Variants in GNB1 observed in about 807,000 individuals in gnomAD.
GNB1 encodes the protein G protein subunit beta 1, also known as guanine nucleotide-binding protein G(I)/G(S)/G(T) subunit beta-1.
In GNB1, 2 loss-of-function variants were observed where a neutral mutation model predicts 42.9. The ratio of observed to expected loss-of-function variants is 0.05; its 90% CI spans 0.02 to 0.15. GNB1 has a LOEUF of 0.15. Among genes scored for constraint, GNB1 ranks in the 10% least tolerant of loss-of-function variants. GNB1 has a pLI of 1.00. For missense variants in GNB1, 193 were observed against 462.2 expected (o/e 0.42, Z 5.34); for synonymous variants, 183 against 174.7 (o/e 1.05, Z -0.38).
chr1:1,848,885 C>T lies in GNB1; in HGVS notation c.-95-9647G>A, dbSNP rs138916489. The stretch of plus-strand genomic sequence containing the variant: ...TGTTTTTTGAAGACTCCTTCTGGGT[C>T]TTTGTTCCCAGTTCCTCAGAAGGAG... On this transcript the variant is annotated intron_variant, in intron 1 of 11. Coordinates refer to ENST00000378609, the MANE Select transcript of GNB1 (RefSeq NM_002074.5). Among the ~76,000 whole-genome samples, 298 of 152,268 alleles carry T rather than the reference C, an allele frequency of 2.0e-3. 3 individuals carry two copies. Among genetic ancestry groups the T allele is most frequent in the Middle Eastern group, 0.01 (3 of 294 alleles).
chr1:1,828,807 CAA>C (rs1557908960), intron 2 of GNB1, among the ~76,000 whole-genome samples: 1 of 152,006 alleles, frequency 6.6e-6, no homozygotes, highest in African/African-American at 2.4e-5. Flanking sequence ...TTTAGGAGGT[CAA>C]GTCGGGAGGA....
At chr1:1,874,804 C>CA (rs200659776) in intron 1 of GNB1, among the ~76,000 whole-genome samples, 141 of 149,670 alleles carry the variant, frequency 9.4e-4, no homozygotes, top group East Asian at 1.2e-3. Flanking sequence ...AAAAAAAAGA[C>CA]AAAAAAAAAG....
At position 1,868,557 on chromosome 1, in the gene GNB1, T is replaced by G. The variant is rs377371621; in HGVS notation, c.-96+22263A>C. 9.1e-4 allele frequency among the ~76,000 whole-genome samples: 138 copies of G among 151,920 alleles called. 3 individuals are homozygous for G. The South Asian group carries it at 0.015, about 16-fold the overall frequency. On this transcript the variant is annotated intron_variant, in intron 1 of 11. Transcript: ENST00000378609. ...CAGCACTTTGGGAGGCCGAGGCAGG[T>G]GAATCACGAGGTCAGGAGTTCAAGA...
At chr1:1,797,971 C>T (rs1002203321) in intron 7 of GNB1, among the ~76,000 whole-genome samples, 2 of 152,212 alleles carry the variant, frequency 1.3e-5, no homozygotes, top group Admixed American at 6.5e-5. Flanking sequence ...GCCCCAGGAT[C>T]GGCTCCAAGG....
chr1:1,801,711 A>C (rs1646629138), intron 7 of GNB1, among the ~76,000 whole-genome samples: 1 of 152,186 alleles, frequency 6.6e-6, no homozygotes, highest in African/African-American at 2.4e-5. Context: ...AACTCAAAGG[A>C]AGGTAGGAAG....
In GNB1 at chr1:1,873,400, G is replaced by T. The variant is rs1048757752; in HGVS notation, c.-96+17420C>A. Among the ~76,000 whole-genome samples, 11 of 152,250 alleles carry T rather than the reference G, an allele frequency of 7.2e-5. 1 individual carries two copies. In the East Asian group the frequency reaches 9.6e-4, roughly 13 times the overall value. On this transcript the variant is annotated intron_variant, in intron 1 of 11. Coordinates refer to ENST00000378609, the MANE Select transcript of GNB1 (RefSeq NM_002074.5). Reference sequence around the variant, plus strand: ...GCACCCTGGCTGAAAGCCCATGTGGGTGAGGGCAATGGGAAGCACAAGCCA... The same window carrying T: ...GCACCCTGGCTGAAAGCCCATGTGGTTGAGGGCAATGGGAAGCACAAGCCA...
At chr1:1,806,771 C>A (rs1646700668) in intron 5 of GNB1, among the ~76,000 whole-genome samples, 1 of 152,086 alleles carries the variant, frequency 6.6e-6, no homozygotes, top group South Asian at 2.1e-4. Context: ...GTCAGGAGTT[C>A]AAGACCAGCC....
chr1:1,884,069 G>A (rs1480801548), intron 1 of GNB1, among the ~76,000 whole-genome samples: 2 of 149,980 alleles, frequency 1.3e-5, no homozygotes, highest in African/African-American at 4.9e-5. Flanking sequence ...AGGTTCAAGC[G>A]ATTCTCTTGC....
At chr1:1,807,698 A>AT (rs1646720817) in intron 5 of GNB1, among the ~76,000 whole-genome samples, 2 of 150,184 alleles carry the variant, frequency 1.3e-5, no homozygotes, top group African/African-American at 4.9e-5. Flanking sequence ...ACTATCACGA[A>AT]TTTTTTCTTT....
chr1:1,886,014 A>C (rs1406990252), intron 1 of GNB1, among the ~76,000 whole-genome samples: 1 of 151,352 alleles, frequency 6.6e-6, no homozygotes, highest in Non-Finnish European at 1.5e-5. Context: ...AGGTTTAAAA[A>C]AGCTTTCAGC....
intron 1 of GNB1, among the ~76,000 whole-genome samples, chr1:1,887,144 T>C (rs1408335883): frequency 1.3e-5 from 2 of 152,212 alleles, no homozygotes; most frequent in Non-Finnish European, 2.9e-5. Flanking sequence ...CTATTACCAA[T>C]CCACTAATGC....
At chr1:1,854,498 G>C (rs1474537498) in intron 1 of GNB1, among the ~76,000 whole-genome samples, 2 of 152,304 alleles carry the variant, frequency 1.3e-5, no homozygotes, top group South Asian at 2.1e-4. Flanking sequence ...ATAAAAAAAA[G>C]GTAGAGGAAG....
In GNB1 at chr1:1,804,450, C is replaced by T. The variant is rs940163168; in HGVS notation, c.399G>A (p.Val133=). ...IYNLKTREGN[V]RVSRELAGHT... is the part of the protein sequence containing the mutation. The stretch of plus-strand genomic sequence containing the variant: ...GTCCTGCCAGCTCACGACTCACGCG[C>T]ACGTTCCCCTCACGAGTTTTCAGAT... Residue 133 remains valine, a synonymous_variant, in exon 7 of 12, where the codon GTG becomes GTA. Coordinates refer to ENST00000378609, the MANE Select transcript of GNB1 (RefSeq NM_002074.5). 4.3e-6 allele frequency: 7 copies of T among 1,613,784 alleles called. No individual in the cohort carries two copies. Among genetic ancestry groups the T allele is most frequent in the Admixed American group, 3.3e-5 (2 of 59,990 alleles).
chr1:1,832,063 CAA>C (rs574314079), intron 2 of GNB1, among the ~76,000 whole-genome samples: 31 of 87,026 alleles, frequency 3.6e-4, no homozygotes, highest in Admixed American at 5.4e-4. Context: ...GACCTTGTCT[CAA>C]AAAAAAAAAA....
chr1:1,853,961 T>G (rs1340634254), intron 1 of GNB1, among the ~76,000 whole-genome samples: 1 of 152,130 alleles, frequency 6.6e-6, no homozygotes, highest in Non-Finnish European at 1.5e-5. Context: ...GGCCTCAATA[T>G]CTGGGTTCGT....
At chr1:1,863,420 G>A (rs137915343) in intron 1 of GNB1, among the ~76,000 whole-genome samples, 16 of 152,294 alleles carry the variant, frequency 1.1e-4, no homozygotes, top group African/African-American at 2.9e-4. Context: ...AAGCACTGCC[G>A]TCCCTTGCCC....
At chr1:1,796,046 A>G (rs900738738) in intron 7 of GNB1, among the ~76,000 whole-genome samples, 1 of 152,240 alleles carries the variant, frequency 6.6e-6, no homozygotes, top group Admixed American at 6.5e-5. Flanking sequence ...TAGGAAAACC[A>G]TGCTCCAAGT....
chr1:1,835,163 C>G (rs912520528), intron 2 of GNB1, among the ~76,000 whole-genome samples: 3 of 152,184 alleles, frequency 2.0e-5, no homozygotes, highest in African/African-American at 7.2e-5. Flanking sequence ...AGAAAAACTT[C>G]CGTGTTTTTA....
At chr1:1,796,500 A>C (rs1209031061) in intron 7 of GNB1, among the ~76,000 whole-genome samples, 1 of 152,266 alleles carries the variant, frequency 6.6e-6, no homozygotes, top group Non-Finnish European at 1.5e-5. Context: ...TGGGAGGAGC[A>C]GAGCTGTCTG....
Sources: gnomAD v4.1 joint callset for allele counts (sites outside exome capture counted in the v4.1 genomes callset) on GRCh38, gnomAD v4.1.1 for gene constraint, MANE v1.5 for transcripts, NCBI Gene and HGNC (gene_info 2026-07-23, HGNC 2026-07-21) for gene names.